CYTH1: variants seen among roughly 807,000 people sequenced by gnomAD.
The protein encoded by CYTH1 is cytohesin-1.
A neutral mutation model predicts 61.8 loss-of-function variants in CYTH1; 18 were observed. The ratio of observed to expected loss-of-function variants is 0.29; its 90% CI spans 0.20 to 0.43. The LOEUF (loss-of-function observed/expected upper bound fraction) is 0.43. Among genes scored for constraint, CYTH1 ranks in the 20% least tolerant of loss-of-function variants. The pLI is 1.00. For synonymous variants in CYTH1, 174 were observed against 184.3 expected, an observed-to-expected ratio of 0.94 and a Z score of 0.45; for missense variants, 336 against 510.5, an observed-to-expected ratio of 0.66 and a Z score of 3.29.
chr17:78,780,472 C>A (rs1458863615), intron 1 of CYTH1, among the ~76,000 whole-genome samples: 2 of 152,204 alleles, frequency 1.3e-5, no homozygotes, highest in Admixed American at 6.5e-5. Context: ...GCTATGAGAG[C>A]GCCCCTGCAC....
At chr17:78,743,144 T>C (rs903303874) in intron 1 of CYTH1, among the ~76,000 whole-genome samples, 9 of 152,174 alleles carry the variant, frequency 5.9e-5, no homozygotes, top group African/African-American at 1.9e-4. Flanking sequence ...GTTATACTGT[T>C]AAATGAAAAA....
At chr17:78,776,825 T>A (rs2093493353) in intron 1 of CYTH1, among the ~76,000 whole-genome samples, 1 of 151,518 alleles carries the variant, frequency 6.6e-6, no homozygotes, top group Non-Finnish European at 1.5e-5. Context: ...TTTTTTTTTT[T>A]TAAAAAAAGA....
intron 1 of CYTH1, among the ~76,000 whole-genome samples, chr17:78,778,307 AAAAAAAAAAAAAAG>A (rs1312302474): frequency 2.1e-5 from 3 of 144,944 alleles, no homozygotes; most frequent in South Asian, 2.2e-4. Flanking sequence ...CAAAAAAAAA[AAAAAAAAAAAAAAG>A]GGAAAAAAAA....
At chr17:78,723,454 C>G (rs1171305473) in intron 1 of CYTH1, 1 of 152,532 alleles carries the variant, frequency 6.6e-6, no homozygotes, top group Admixed American at 6.5e-5. Context: ...AAAACAAAAG[C>G]TGAGAGCACC....
intron 1 of CYTH1, among the ~76,000 whole-genome samples, chr17:78,719,686 C>T (rs950540742): frequency 6.6e-6 from 1 of 152,004 alleles, no homozygotes; most frequent in Non-Finnish European, 1.5e-5. Flanking sequence ...GTAATGATAC[C>T]AGGATTTTAC....
chr17:78,774,418 CG>C (rs1366471571), intron 1 of CYTH1, among the ~76,000 whole-genome samples: 3 of 152,206 alleles, frequency 2.0e-5, no homozygotes, highest in Admixed American at 1.3e-4. Flanking sequence ...ACAAAGAAAA[CG>C]GGTTCTGCAT....
At chr17:78,775,498 C>T (rs1347849273) in intron 1 of CYTH1, among the ~76,000 whole-genome samples, 1 of 152,132 alleles carries the variant, frequency 6.6e-6, no homozygotes, top group African/African-American at 2.4e-5. Flanking sequence ...GAAAGTGAAA[C>T]CTCGTTTTTT....
At chr17:78,702,407 T>C (rs1032695233) in intron 4 of CYTH1, 131 bp downstream of exon 4, 5 of 1,066,122 alleles carry the variant, frequency 4.7e-6, no homozygotes, top group Admixed American at 4.3e-5. Context: ...AAGGGCTTAG[T>C]GCATAACATT....
intron 11 of CYTH1, among the ~76,000 whole-genome samples, chr17:78,687,809 C>T (rs1402192414): frequency 1.3e-5 from 2 of 152,202 alleles, no homozygotes; most frequent in African/African-American, 2.4e-5. Flanking sequence ...CACAAGTACA[C>T]AAGTTTCCTG....
intron 9 of CYTH1, 111 bp downstream of exon 9, chr17:78,698,158 C>T: frequency 1.1e-6 from 1 of 891,104 alleles, no homozygotes; most frequent in East Asian, 2.4e-5. Context: ...CGCACACATG[C>T]ACACGCACAA....
At chr17:78,722,520 G>A (rs995976994) in intron 1 of CYTH1, among the ~76,000 whole-genome samples, 4 of 152,140 alleles carry the variant, frequency 2.6e-5, no homozygotes, top group African/African-American at 9.7e-5. Context: ...TGTCCCCTGG[G>A]TGAAGCTGCC....
intron 3 of CYTH1, among the ~76,000 whole-genome samples, chr17:78,706,481 C>T (rs2093068117): frequency 6.6e-6 from 1 of 152,258 alleles, no homozygotes; most frequent in African/African-American, 2.4e-5. Context: ...TTCATTCCTT[C>T]ACACTGCTGA....
Position 78,676,154 on chromosome 17 carries a change from C to G in CYTH1, c.1134G>C (p.Arg378Ser), listed in dbSNP as rs1435262786. ...CTGCGAGCATTTCGTAGAAAGGGTC[C>G]CTGCTGATGGCTGCTCTGGAGCACA... ...WIKCIKAAIS[R>S]DPFYEMLAAR... The change falls in exon 14 of 14, where the codon AGG (arginine) becomes AGC (serine). Residue 378 changes from arginine (R) to serine (S), a missense_variant. Transcript: ENST00000446868. The G allele has an allele frequency of 1.2e-6, 2 of 1,609,588 alleles. No homozygotes were observed. The highest frequency in any genetic ancestry group is 1.7e-6 in the Non-Finnish European group (2 of 1,178,194).
At chr17:78,680,907 A>T (rs7210648) in intron 12 of CYTH1, 64 bp downstream of exon 12, 50,379 of 1,535,724 alleles carry the variant, frequency 0.033, 1,716 homozygotes, top group South Asian at 0.14. Context: ...TGAGTTTTTT[A>T]AAAAAAATCT....
At chr17:78,731,626 C>T (rs921863196) in intron 1 of CYTH1, among the ~76,000 whole-genome samples, 6 of 151,624 alleles carry the variant, frequency 4.0e-5, no homozygotes, top group Non-Finnish European at 7.4e-5. Flanking sequence ...GGAGTGGTGG[C>T]GGGCGCCTGT....
chr17:78,739,756 T>C (rs1436535056), intron 1 of CYTH1, among the ~76,000 whole-genome samples: 3 of 152,154 alleles, frequency 2.0e-5, no homozygotes, highest in East Asian at 1.9e-4. Flanking sequence ...GGGGCTGCTA[T>C]AGTCATCCAG....
At chr17:78,757,834 C>T (rs1487698722) in intron 1 of CYTH1, among the ~76,000 whole-genome samples, 3 of 151,692 alleles carry the variant, frequency 2.0e-5, no homozygotes, top group Non-Finnish European at 2.9e-5. Flanking sequence ...ATTGCTTGAA[C>T]CAGGGAGGTG....
chr17:78,779,761 G>A (rs1258038958), intron 1 of CYTH1, among the ~76,000 whole-genome samples: 1 of 152,170 alleles, frequency 6.6e-6, no homozygotes, highest in East Asian at 1.9e-4. Flanking sequence ...AAGGAAATGG[G>A]TTCTCCCCTG....
chr17:78,750,393 C>T (rs1436075466), intron 1 of CYTH1, among the ~76,000 whole-genome samples: 1 of 152,106 alleles, frequency 6.6e-6, no homozygotes, highest in African/African-American at 2.4e-5. Flanking sequence ...GTGAGAGACC[C>T]TGTAGGTATC....
Sources: allele counts gnomAD v4.1 joint callset (sites outside exome capture counted in the v4.1 genomes callset), GRCh38; gene constraint gnomAD v4.1.1; transcripts MANE v1.5; gene names NCBI Gene and HGNC (gene_info 2026-07-23, HGNC 2026-07-21).